The following KCP variants were observed in gnomAD, a reference collection of about 807,000 sequenced individuals.
The protein encoded by KCP is kielin/chordin-like protein.
In KCP, 194 loss-of-function variants were observed where a neutral mutation model predicts 212.7. That is an observed-to-expected ratio of 0.91 (90% CI 0.81 to 1.03). KCP has a LOEUF of 1.03. KCP is among the 50% of genes least tolerant of loss of function. KCP has a pLI of 0.00. For synonymous variants in KCP, 833 were observed against 865.3 expected (o/e 0.96, Z 0.65); for missense variants, 2,080 against 2,162.5 (o/e 0.96, Z 0.76).
chr7:128,885,101 G>A lies in KCP; in HGVS notation c.3036C>T (p.Cys1012=), dbSNP rs890830198. 30 of 1,550,780 alleles carry A rather than the reference G, an allele frequency of 1.9e-5. No individual in the cohort carries two copies. The African/African-American group carries it at 2.5e-4, about 13-fold the overall frequency. ...RQGPHDCCPQ[C]SDCEHEGRKY... The stretch of plus-strand genomic sequence containing the variant: ...CCCGCCCCAGGCTTCCAGTACCAGA[G>A]CATTGAGGACAGCAGTCATGGGGCC... The change falls in exon 27 of 40, where the codon TGC becomes TGT. Residue 1012 remains cysteine (C), a synonymous_variant. Transcript: ENST00000610776.
At chr7:128,901,334 A>G (rs1180894098) in intron 8 of KCP, among the ~76,000 whole-genome samples, 1 of 152,226 alleles carries the variant, frequency 6.6e-6, no homozygotes, top group East Asian at 1.9e-4. Flanking sequence ...CTTTCTTAAT[A>G]AACTGCTTTT....
At chr7:128,884,270 G>T (rs1174541214) in intron 28 of KCP, 148 bp from the exon 29 acceptor site, 5 of 987,114 alleles carry the variant, frequency 5.1e-6, no homozygotes. Context: ...GAGAGACTCA[G>T]TGTCTTCTAG....
chr7:128,883,916 T>G, intron 29 of KCP, 86 bp downstream of exon 29: 1 of 1,454,384 alleles, frequency 6.9e-7, no homozygotes, highest in South Asian at 1.4e-5. Context: ...TCAGGAAGAA[T>G]CTGGGGCTGG....
Position 128,907,144 on chromosome 7 carries a change from C to T in KCP, c.443G>A (p.Gly148Glu), listed in dbSNP as rs1585259379. ...CSQNGQTYGN[G>E]ETFSPDACTT... ...GCAGGCATCTGGGGAGAAGGTCTCC[C>T]CGTTGCCGTAGGTCTGGCCATTTTG... The change falls in exon 4 of 40, where the codon GGG becomes GAG. Residue 148 changes from glycine to glutamate, a missense_variant. Gly to Glu is a moderately conservative substitution (Grantham distance 98). Coordinates refer to ENST00000610776, the MANE Select transcript of KCP (RefSeq NM_001366122.1). The T allele has an allele frequency of 6.4e-7, 1 of 1,551,540 alleles. No individual in the cohort carries two copies. The highest frequency in any genetic ancestry group is 2.4e-5 in the East Asian group (1 of 40,914).
At chr7:128,902,696 G>C in intron 8 of KCP, 81 bp downstream of exon 8, 1 of 1,287,692 alleles carries the variant, frequency 7.8e-7, no homozygotes, top group South Asian at 1.3e-5. Context: ...CCTCTGCGAA[G>C]TACTCCATAG....
Position 128,877,111 on chromosome 7 carries a change from G to A in KCP, c.4819C>T (p.Leu1607=). Reference sequence around the variant, plus strand: ...CCAAGTGGCTGGTCTCCAGTGAGCAGGACTTGGGGGCAGGCCTCGGGTGGG... The same window carrying A: ...CCAAGTGGCTGGTCTCCAGTGAGCAAGACTTGGGGGCAGGCCTCGGGTGGG... The part of the protein sequence containing the change: ...CIPPEACPQV[L]LTGDQPLGAR... Residue 1607 remains leucine, a synonymous_variant, in exon 40 of 40, where the codon CTG becomes TTG. Transcript: ENST00000610776. 3.3e-6 allele frequency: 5 copies of A among 1,514,882 alleles called. No homozygotes were observed. The highest frequency in any genetic ancestry group is 3.5e-6 in the Non-Finnish European group (4 of 1,134,890). The allele number at this position is 1,514,882 out of a possible 1,614,324, so 93.8% of individuals were successfully genotyped here.
intron 22 of KCP, among the ~76,000 whole-genome samples, chr7:128,888,253 C>T (rs1484918447): frequency 6.6e-6 from 1 of 151,342 alleles, no homozygotes; most frequent in South Asian, 2.1e-4. Context: ...CGGTCACACA[C>T]ACACGTACAC....
chr7:128,883,882 G>C, intron 29 of KCP, 120 bp downstream of exon 29: 2 of 1,255,710 alleles, frequency 1.6e-6, no homozygotes, highest in Admixed American at 6.7e-5. Context: ...GCCAGGCATA[G>C]GGTTCCAGAA....
chr7:128,877,066 G>A lies in KCP; in HGVS notation c.4864C>T (p.Arg1622Trp), dbSNP rs1418760967. Residue 1622 changes from arginine (R) to tryptophan (W), a missense_variant, in exon 40 of 40, where the codon CGG (arginine) becomes TGG (tryptophan). By Grantham distance (101) the Arg-to-Trp change is moderately radical. Coordinates refer to ENST00000610776, the MANE Select transcript of KCP (RefSeq NM_001366122.1). ...QPLGARPSPS[R>W]EPQETP ...GCTCAGGGTGTCTCCTGGGGCTCCC[G>A]GCTGGGGCTGGGCCGAGCACCAAGT... 3.3e-6 allele frequency: 5 copies of A among 1,527,608 alleles called. No homozygotes were observed. The highest frequency in any genetic ancestry group is 2.5e-5 in the East Asian group (1 of 40,644). The allele number at this position is 1,527,608 out of a possible 1,614,324, so 94.6% of individuals were successfully genotyped here. A position where few individuals can be genotyped will look rare whatever the true frequency, so the allele number is the denominator to read the frequency against.
Position 128,907,263 on chromosome 7 carries a change from C to G in KCP, c.409+1G>C. Reference sequence around the variant, plus strand: ...CAGTGGGCGGATAGGGTGGCACTTACCCCTGCAATGGGGCAGGTGTGCTTG... The same window carrying G: ...CAGTGGGCGGATAGGGTGGCACTTAGCCCTGCAATGGGGCAGGTGTGCTTG... On this transcript the variant is annotated splice_donor_variant, in intron 3 of 39. Coordinates refer to ENST00000610776, the MANE Select transcript of KCP (RefSeq NM_001366122.1). LOFTEE classifies it high-confidence loss of function. 1 of 1,533,440 alleles carries G rather than the reference C, an allele frequency of 6.5e-7. No homozygotes were observed. The highest frequency in any genetic ancestry group is 8.8e-7 in the Non-Finnish European group (1 of 1,132,700). 95.0% of individuals were successfully genotyped at this position (1,533,440 alleles called of 1,614,324 possible). A position where few individuals can be genotyped will look rare whatever the true frequency, so the allele number is the denominator to read the frequency against.
intron 37 of KCP, 78 bp downstream of exon 37, chr7:128,879,444 C>T: frequency 8.0e-7 from 1 of 1,250,644 alleles, no homozygotes; most frequent in Non-Finnish European, 1.1e-6. Context: ...CATCCCCACC[C>T]CCTCTACAGA....
chr7:128,904,023 C>A, intron 6 of KCP, 33 bp downstream of exon 6: 1 of 1,533,326 alleles, frequency 6.5e-7, no homozygotes, highest in Non-Finnish European at 8.8e-7. Flanking sequence ...CAGGGAGGTG[C>A]AGGGCCTGGG....
intron 1 of KCP, among the ~76,000 whole-genome samples, chr7:128,910,148 C>CA (rs936091201): frequency 1.3e-5 from 2 of 152,178 alleles, no homozygotes; most frequent in African/African-American, 2.4e-5. Context: ...CCGAGTGGCA[C>CA]AAACTTGGCT....
chr7:128,877,934 C>T, intron 38 of KCP, 144 bp from the exon 39 acceptor site: 1 of 751,598 alleles, frequency 1.3e-6, no homozygotes, highest in Admixed American at 2.8e-5. Flanking sequence ...GTACTGTCTA[C>T]CTTCTTTTTG....
intron 26 of KCP, 149 bp downstream of exon 26, chr7:128,886,315 G>C (rs964856981): frequency 1.6e-5 from 10 of 639,436 alleles, no homozygotes; most frequent in Middle Eastern, 4.2e-4. Flanking sequence ...AGAGGTAGGA[G>C]AAGCTGAAGG....
chr7:128,883,297 G>A (rs896342661), intron 29 of KCP, among the ~76,000 whole-genome samples: 2 of 151,680 alleles, frequency 1.3e-5, no homozygotes, highest in African/African-American at 4.8e-5. Flanking sequence ...GCCCCATCAT[G>A]CCCAGCTAAT....
intron 21 of KCP, 144 bp from the exon 22 acceptor site, chr7:128,889,183 AG>A: frequency 4.6e-6 from 1 of 217,262 alleles, no homozygotes; most frequent in Non-Finnish European, 8.0e-6. Context: ...GGCCAAGCCC[AG>A]GGGGCAAAGC....
intron 8 of KCP, among the ~76,000 whole-genome samples, chr7:128,901,591 A>G (rs1394312442): frequency 1.3e-5 from 2 of 151,690 alleles, no homozygotes; most frequent in African/African-American, 2.4e-5. Context: ...ACGCCACTGC[A>G]CTCCAGCCTG....
At chr7:128,885,014 G>A in intron 27 of KCP, 83 bp downstream of exon 27, 1 of 1,533,984 alleles carries the variant, frequency 6.5e-7, no homozygotes, top group East Asian at 2.5e-5. Context: ...GCCTGTCTCT[G>A]CCACCCGGCC....
Sources: gnomAD v4.1 joint callset for allele counts (sites outside exome capture counted in the v4.1 genomes callset) on GRCh38, gnomAD v4.1.1 for gene constraint, MANE v1.5 for transcripts, NCBI Gene and HGNC (gene_info 2026-07-23, HGNC 2026-07-21) for gene names.